Variants in FCRL5 observed in about 807,000 individuals in gnomAD.
FCRL5 encodes the protein Fc receptor-like protein 5.
FCRL5 carries 79 observed loss-of-function variants against 92.1 expected under a neutral mutation model. That is an observed-to-expected ratio of 0.86 (90% confidence interval 0.72 to 1.03). The LOEUF is 1.03. FCRL5 is among the 50% of genes least tolerant of loss of function. The pLI is 0.00. For missense variants in FCRL5, 1,160 were observed against 1,181.1 expected (o/e 0.98, Z 0.26); for synonymous variants, 466 against 469.3 (o/e 0.99, Z 0.09).
Position 157,539,096 on chromosome 1 carries a change from G to A in FCRL5, c.1392C>T (p.Leu464=). 6.2e-7 allele frequency: 1 copy of A among 1,613,346 alleles called. No homozygotes were observed. Among genetic ancestry groups the A allele is most frequent in the Non-Finnish European group, 8.5e-7 (1 of 1,179,752 alleles). The change falls in exon 7 of 17, where the codon CTC becomes CTT. Residue 464 remains leucine (L), a synonymous_variant. Transcript: ENST00000361835. The part of the protein sequence containing the change: ...FGPQRSKAVS[L]SVTVPVSHPV... ...GAACCCAGGGCTTACCAGTGACGGA[G>A]AGGCTCACCGCCTTACTGCGCTGGG...
At chr1:157,523,034 C>T (rs1025535399) in intron 10 of FCRL5, among the ~76,000 whole-genome samples, 5 of 152,078 alleles carry the variant, frequency 3.3e-5, no homozygotes, top group Non-Finnish European at 1.5e-5. Context: ...ATGGGAAAAC[C>T]CAAATCTGAA....
chr1:157,545,990 T>C (rs1651516501), intron 3 of FCRL5, among the ~76,000 whole-genome samples: 1 of 152,168 alleles, frequency 6.6e-6, no homozygotes, highest in Non-Finnish European at 1.5e-5. Context: ...CATTAAAAAA[T>C]GATGTAACTT....
In FCRL5 at chr1:157,534,684, C is replaced by T. The variant is rs775318111; in HGVS notation, c.1611G>A (p.Gly537=). The change falls in exon 8 of 17, where the codon GGG becomes GGA. Residue 537 remains glycine (G), a synonymous_variant. Transcript: ENST00000361835. ...FSFSLTEGHS[G]NYYCTADNGF... Reference sequence around the variant, plus strand: ...CATTGTCAGCTGTGCAGTAGTAATTCCCTGAATGTCCTTCAGTCAGAGAGA... The same window carrying T: ...CATTGTCAGCTGTGCAGTAGTAATTTCCTGAATGTCCTTCAGTCAGAGAGA... 1.2e-5 allele frequency: 20 copies of T among 1,614,102 alleles called. No individual in the cohort carries two copies. The highest frequency in any genetic ancestry group is 1.7e-5 in the Non-Finnish European group (20 of 1,180,020).
At chr1:157,525,049 T>C (rs759068629) in intron 9 of FCRL5, among the ~76,000 whole-genome samples, 38 of 152,230 alleles carry the variant, frequency 2.5e-4, no homozygotes, top group Admixed American at 3.9e-4. Flanking sequence ...TAAAAATTAA[T>C]TGAGCATTTA....
chr1:157,538,669 C>A (rs984824248), intron 7 of FCRL5, among the ~76,000 whole-genome samples: 7 of 152,192 alleles, frequency 4.6e-5, no homozygotes, highest in African/African-American at 1.7e-4. Context: ...CATGACTTTG[C>A]ATCTGGTTAT....
intron 10 of FCRL5, 171 bp downstream of exon 10, chr1:157,524,108 C>T: frequency 1.6e-6 from 1 of 623,550 alleles, no homozygotes; most frequent in East Asian, 2.8e-5. Context: ...TTCCTGGAAC[C>T]ATACCACAAA....
Position 157,539,214 on chromosome 1 carries a change from G to T in FCRL5, c.1274C>A (p.Ser425Ter), listed in dbSNP as rs745804719. ...HHEGAALERR[S>*]ANSAGGVAIS... ...GGCCACTCCTCCTGCAGAGTTGGCC[G>T]ACCTACGCTCCAGGGCAGCACCCTC... Residue 425 changes from serine (S) to a stop codon, truncating the protein, a stop_gained, in exon 7 of 17, where the codon TCG (serine) becomes TAG (stop). Transcript: ENST00000361835. LOFTEE classifies it high-confidence loss of function. The T allele has an allele frequency of 1.9e-6, 3 of 1,614,190 alleles. No homozygotes were observed. The highest frequency in any genetic ancestry group is 4.5e-5 in the East Asian group (2 of 44,874).
At chr1:157,519,614 G>T in intron 13 of FCRL5, 129 bp downstream of exon 13, 2 of 957,998 alleles carry the variant, frequency 2.1e-6, no homozygotes, top group South Asian at 1.4e-5. Flanking sequence ...ACGTACAACA[G>T]GTAGTGGCCA....
chr1:157,518,756 T>C lies in FCRL5; in HGVS notation c.2687A>G (p.Glu896Gly). 6.2e-7 allele frequency: 1 copy of C among 1,613,418 alleles called. No individual in the cohort carries two copies. The highest frequency in any genetic ancestry group is 1.1e-5 in the South Asian group (1 of 90,758). ...ARSPSDSDSQEPTYHNVPAWE... is the reference protein window; with the variant it reads ...ARSPSDSDSQGPTYHNVPAWE... The stretch of plus-strand genomic sequence containing the variant: ...GGCTGGTACATTGTGATAGGTGGGC[T>C]CTTGGGAGTCCGAGTCTGAAGGGCT... The change falls in exon 14 of 17, where the codon GAG (glutamate) becomes GGG (glycine). Residue 896 changes from glutamate to glycine, a missense_variant. Coordinates refer to ENST00000361835, the MANE Select transcript of FCRL5 (RefSeq NM_031281.3).
At chr1:157,545,357 A>G (rs1277084691) in intron 3 of FCRL5, among the ~76,000 whole-genome samples, 1 of 152,028 alleles carries the variant, frequency 6.6e-6, no homozygotes, top group African/African-American at 2.4e-5. Flanking sequence ...CTTGGAGCTC[A>G]TGCGTATTTC....
chr1:157,539,462 A>G (rs1290969607), intron 6 of FCRL5, 98 bp from the exon 7 acceptor site: 2 of 1,149,486 alleles, frequency 1.7e-6, no homozygotes, highest in African/African-American at 1.6e-5. Flanking sequence ...TCACTAAGCC[A>G]AAGGGAAAAG....
chr1:157,545,773 C>T (rs1571111026), intron 3 of FCRL5, among the ~76,000 whole-genome samples: 1 of 152,238 alleles, frequency 6.6e-6, no homozygotes, highest in East Asian at 1.9e-4. Context: ...CGTGATCCAC[C>T]CGCCTTGGCC....
At chr1:157,532,369 C>T (rs1302853391) in intron 8 of FCRL5, 1 of 152,044 alleles carries the variant, frequency 6.6e-6, no homozygotes, top group Non-Finnish European at 1.5e-5. Flanking sequence ...TAACTGTTGA[C>T]AAAGTATTCA....
chr1:157,547,294 G>T (rs2101648492), intron 2 of FCRL5, 97 bp from the exon 3 acceptor site: 1 of 1,496,452 alleles, frequency 6.7e-7, no homozygotes, highest in Non-Finnish European at 9.2e-7. Flanking sequence ...GGGTTTGGAG[G>T]ATCTGAAAGA....
intron 1 of FCRL5, among the ~76,000 whole-genome samples, chr1:157,550,680 T>C (rs562441987): frequency 3.7e-4 from 57 of 152,314 alleles, no homozygotes; most frequent in African/African-American, 1.3e-3. Context: ...GTGAATGGCA[T>C]ATAAAAGATA....
intron 15 of FCRL5, 116 bp from the exon 16 acceptor site, chr1:157,515,989 G>T: frequency 8.9e-7 from 1 of 1,119,672 alleles, no homozygotes; most frequent in Non-Finnish European, 1.3e-6. Context: ...TCTGTGCGGT[G>T]AGTAGCCATT....
Position 157,546,987 on chromosome 1 carries a change from T to G in FCRL5, c.263A>C (p.Gln88Pro), listed in dbSNP as rs1406563242. The G allele has an allele frequency of 2.5e-6, 4 of 1,614,176 alleles. No homozygotes were observed. Among genetic ancestry groups the G allele is most frequent in the Non-Finnish European group, 3.4e-6 (4 of 1,180,020 alleles). Residue 88 changes from glutamine to proline, a missense_variant, in exon 3 of 17, where the codon CAG becomes CCG. By Grantham distance (76) the Gln-to-Pro change is moderately conservative. Transcript: ENST00000361835. ...CACAGGGCTACTGAGAGGGGAGCCC[T>G]GGGCCTGGCATCTGTACTCTCCAGA... Reference protein sequence around the residue: ...QESGEYRCQAQGSPLSSPVHL... With the variant: ...QESGEYRCQAPGSPLSSPVHL...
Position 157,552,382 on chromosome 1 carries a change from G to A in FCRL5, c.-20C>T, listed in dbSNP as rs745647985. The A allele has an allele frequency of 1.9e-6, 3 of 1,613,894 alleles. No homozygotes were observed. Among genetic ancestry groups the A allele is most frequent in the Non-Finnish European group, 2.5e-6 (3 of 1,179,904 alleles). ...CAGCATGAAGACCTGGACCACCAAG[G>A]GCTGAGATCAAAAGAGAAGTTTCCT... is the stretch of plus-strand genomic sequence containing the variant. On this transcript the variant is annotated 5_prime_UTR_variant, in exon 1 of 17. Transcript: ENST00000361835.
At chr1:157,528,734 G>T (rs926642567) in intron 8 of FCRL5, 5 of 152,174 alleles carry the variant, frequency 3.3e-5, no homozygotes, top group African/African-American at 9.7e-5. Flanking sequence ...GCAACAAATG[G>T]TGCTGGCATC....
Sources: gnomAD v4.1 joint callset for allele counts (sites outside exome capture counted in the v4.1 genomes callset) on GRCh38, gnomAD v4.1.1 for gene constraint, MANE v1.5 for transcripts, NCBI Gene and HGNC (gene_info 2026-07-23, HGNC 2026-07-21) for gene names.